PXDNL: variants seen among roughly 807,000 people sequenced by gnomAD.
PXDNL encodes peroxidasin like, also known as probable oxidoreductase PXDNL.
In PXDNL, 145 loss-of-function variants were observed where a neutral mutation model predicts 150.8. The observed-to-expected ratio is 0.96, with a 90% CI of 0.84 to 1.10. PXDNL has a LOEUF of 1.10. Among genes scored for constraint, PXDNL ranks in the 50% least tolerant of loss-of-function variants. The pLI, the probability that PXDNL is intolerant of heterozygous loss-of-function variation, is 0.00. For missense variants in PXDNL, 2,087 were observed against 1,873.9 expected, an observed-to-expected ratio of 1.11 and a Z score of -2.10; for synonymous variants, 757 against 725.7, an observed-to-expected ratio of 1.04 and a Z score of -0.69.
At chr8:51,655,426 T>C (rs573945771) in intron 1 of PXDNL, among the ~76,000 whole-genome samples, 25 of 152,096 alleles carry the variant, frequency 1.6e-4, no homozygotes, top group African/African-American at 6.0e-4. Context: ...GCACAGATAG[T>C]TCAGTGGGGG....
At chr8:51,694,219 G>C (rs1214835878) in intron 1 of PXDNL, among the ~76,000 whole-genome samples, 4 of 152,106 alleles carry the variant, frequency 2.6e-5, no homozygotes, top group African/African-American at 9.7e-5. Flanking sequence ...AAATTAGCTG[G>C]GGGTGGTGGT....
Position 51,411,396 on chromosome 8 carries a change from G to T in PXDNL, c.1916C>A (p.Thr639Asn). The T allele has an allele frequency of 6.4e-7, 1 of 1,571,394 alleles. No individual in the cohort carries two copies. The highest frequency in any genetic ancestry group is 1.2e-5 in the South Asian group (1 of 83,562). Residue 639 changes from threonine (T) to asparagine (N), a missense_variant, in exon 16 of 23, where the codon ACC (threonine) becomes AAC (asparagine). Coordinates refer to ENST00000356297, the MANE Select transcript of PXDNL (RefSeq NM_144651.5). ...AAATTGAGCCAGCAGGTCACTGGAG[G>T]TGTGAGGTTTTCTGCAAATGACAAA... ...RRHLFSQKPH[T>N]SSDLLAQFHY... is the part of the protein sequence containing the mutation.
intron 2 of PXDNL, among the ~76,000 whole-genome samples, chr8:51,602,934 T>G (rs1813757480): frequency 6.6e-6 from 1 of 151,666 alleles, no homozygotes; most frequent in Non-Finnish European, 1.5e-5. Flanking sequence ...AATCTAAGAT[T>G]ACATTAAAAT....
At chr8:51,330,006 G>GGCA (rs1805635184) in intron 21 of PXDNL, among the ~76,000 whole-genome samples, 2 of 152,154 alleles carry the variant, frequency 1.3e-5, no homozygotes, top group Admixed American at 1.3e-4. Context: ...GAGTGCTGAG[G>GGCA]GCAGGAGAGG....
chr8:51,742,164 C>T (rs1452326768), intron 1 of PXDNL, among the ~76,000 whole-genome samples: 1 of 152,148 alleles, frequency 6.6e-6, no homozygotes, highest in Non-Finnish European at 1.5e-5. Context: ...CTGCATGAGT[C>T]CATCTATGCA....
intron 21 of PXDNL, among the ~76,000 whole-genome samples, chr8:51,330,150 T>C (rs893107006): frequency 1.3e-5 from 2 of 152,140 alleles, no homozygotes; most frequent in African/African-American, 4.8e-5. Context: ...AGTCCACCAA[T>C]TCAAATGCTA....
intron 3 of PXDNL, among the ~76,000 whole-genome samples, chr8:51,567,124 T>C (rs571446907): frequency 5.3e-5 from 8 of 151,930 alleles, no homozygotes; most frequent in South Asian, 2.1e-4. Flanking sequence ...TTTAATTCCA[T>C]TGTGGTTTGA....
chr8:51,700,944 C>T lies in PXDNL; in HGVS notation c.165-46184G>A, dbSNP rs368787897. On this transcript the variant is annotated intron_variant, in intron 1 of 22. Transcript: ENST00000356297. ...CTCATATACATACACAATATACACA[C>T]ATATACAGACACATACACACATACA... Among the ~76,000 whole-genome samples the T allele has an allele frequency of 2.0e-5, 3 of 151,020 alleles. No homozygotes were observed. In the East Asian group the frequency reaches 5.8e-4, roughly 29 times the overall value.
chr8:51,586,038 C>T (rs1813315519), intron 3 of PXDNL, among the ~76,000 whole-genome samples: 1 of 152,108 alleles, frequency 6.6e-6, no homozygotes, highest in Non-Finnish European at 1.5e-5. Flanking sequence ...AAAATTCCTC[C>T]CATCCCTGAT....
chr8:51,398,576 A>T (rs1261887753), intron 17 of PXDNL, among the ~76,000 whole-genome samples: 1 of 152,154 alleles, frequency 6.6e-6, no homozygotes, highest in East Asian at 1.9e-4. Context: ...AGAGCTGAAA[A>T]CCAAGCCCTG....
intron 1 of PXDNL, among the ~76,000 whole-genome samples, chr8:51,669,546 T>G (rs1190911789): frequency 6.6e-6 from 1 of 152,194 alleles, no homozygotes; most frequent in Non-Finnish European, 1.5e-5. Context: ...GGTTGGTTGG[T>G]CAGACTTTGG....
intron 2 of PXDNL, among the ~76,000 whole-genome samples, chr8:51,638,804 T>C (rs1271306716): frequency 6.6e-6 from 1 of 151,490 alleles, no homozygotes; most frequent in Non-Finnish European, 1.5e-5. Flanking sequence ...AGACAGAAAG[T>C]TAAAAAGGAT....
intron 1 of PXDNL, among the ~76,000 whole-genome samples, chr8:51,750,029 C>T (rs1229685710): frequency 6.6e-6 from 1 of 152,088 alleles, no homozygotes; most frequent in African/African-American, 2.4e-5. Flanking sequence ...AATTTTCTAT[C>T]TTCAACAAAA....
Position 51,409,530 on chromosome 8 carries a change from G to A in PXDNL, c.2094C>T (p.Arg698=). 6.2e-7 allele frequency: 1 copy of A among 1,600,842 alleles called. No individual in the cohort carries two copies. The highest frequency in any genetic ancestry group is 1.1e-5 in the South Asian group (1 of 89,910). Residue 698 remains arginine (R), a synonymous_variant, in exon 17 of 23, where the codon CGC becomes CGT. Transcript: ENST00000356297. ...ATAAATTGGCGATGAGGCTGAGGGA[G>A]CGCGGGGACACCAAGTCATTGTACC... is the stretch of plus-strand genomic sequence containing the variant. ...EFRYNDLVSP[R]SLSLIANLSG...
intron 11 of PXDNL, among the ~76,000 whole-genome samples, chr8:51,447,509 C>T (rs1365789082): frequency 6.6e-6 from 1 of 152,092 alleles, no homozygotes; most frequent in Non-Finnish European, 1.5e-5. Context: ...CAGATATCTT[C>T]GTGACAGTTG....
At position 51,455,232 on chromosome 8, in the gene PXDNL, G is replaced by T. The variant is rs563278356; in HGVS notation, c.983-1447C>A. 2.6e-4 allele frequency among the ~76,000 whole-genome samples: 39 copies of T among 151,976 alleles called. 1 individual carries two copies. The highest frequency in any genetic ancestry group is 2.1e-3 in the South Asian group (10 of 4,794). On this transcript the variant is annotated intron_variant, in intron 9 of 22. Transcript: ENST00000356297. ...GAACTGGAAAAGGAGATAATCTGAT[G>T]CATGCATGGAACTAAATTTTTAGAG...
intron 1 of PXDNL, among the ~76,000 whole-genome samples, chr8:51,696,058 A>G (rs1402829655): frequency 6.6e-6 from 1 of 152,196 alleles, no homozygotes; most frequent in Non-Finnish European, 1.5e-5. Context: ...AATGTCATGC[A>G]TTTCATTTCA....
intron 4 of PXDNL, among the ~76,000 whole-genome samples, chr8:51,520,548 C>T (rs1316258227): frequency 6.6e-6 from 1 of 152,100 alleles, no homozygotes; most frequent in Non-Finnish European, 1.5e-5. Context: ...CCACCATGTC[C>T]TCCCACCTAT....
At chr8:51,705,414 T>G (rs1174671391) in intron 1 of PXDNL, among the ~76,000 whole-genome samples, 1 of 152,200 alleles carries the variant, frequency 6.6e-6, no homozygotes, top group Non-Finnish European at 1.5e-5. Context: ...AGAAATTAAA[T>G]TAAGGACTAA....
Sources: gnomAD v4.1 joint callset for allele counts (sites outside exome capture counted in the v4.1 genomes callset) on GRCh38, gnomAD v4.1.1 for gene constraint, MANE v1.5 for transcripts, NCBI Gene and HGNC (gene_info 2026-07-23, HGNC 2026-07-21) for gene names.